Variants in DTNB observed in about 807,000 individuals in gnomAD.
DTNB encodes the protein DTN-B.
A neutral mutation model predicts 90.7 loss-of-function variants in DTNB; 63 were observed. The ratio of observed to expected loss-of-function variants is 0.69; its 90% CI spans 0.57 to 0.86. The LOEUF (loss-of-function observed/expected upper bound fraction) is 0.86. Among genes scored for constraint, DTNB ranks in the 40% least tolerant of loss-of-function variants. The probability of loss-of-function intolerance (pLI) is 0.00; values close to 1 mark genes in which losing one functional copy is unlikely to be tolerated. For missense variants in DTNB, 744 were observed against 807.1 expected (o/e 0.92, Z 0.95); for synonymous variants, 277 against 286.7 (o/e 0.97, Z 0.34).
chr2:25,660,965 C>T (rs2083065893), intron 1 of DTNB, among the ~76,000 whole-genome samples: 2 of 152,192 alleles, frequency 1.3e-5, no homozygotes, highest in Non-Finnish European at 2.9e-5. Flanking sequence ...ACTAGATCCA[C>T]CAGGCTTTTC....
At chr2:25,427,466 G>A (rs2052193587) in intron 15 of DTNB, 69 bp downstream of exon 15, 1 of 1,483,628 alleles carries the variant, frequency 6.7e-7, no homozygotes, top group Non-Finnish European at 9.3e-7. Flanking sequence ...TGACATCACA[G>A]GGAGGCAGCA....
At chr2:25,614,364 T>C (rs1238311447) in intron 4 of DTNB, among the ~76,000 whole-genome samples, 2 of 152,022 alleles carry the variant, frequency 1.3e-5, no homozygotes, top group African/African-American at 2.4e-5. Context: ...AAAAAACACA[T>C]TAGAAGTAAA....
chr2:25,477,125 AT>A (rs1178150980), intron 10 of DTNB, among the ~76,000 whole-genome samples: 1 of 152,264 alleles, frequency 6.6e-6, no homozygotes, highest in African/African-American at 2.4e-5. Context: ...TCAGATGATC[AT>A]TAGCATTTTT....
chr2:25,635,270 A>C (rs1004468713), intron 3 of DTNB, among the ~76,000 whole-genome samples: 3 of 151,860 alleles, frequency 2.0e-5, no homozygotes, highest in African/African-American at 7.3e-5. Context: ...GTCTCTACTA[A>C]AAATACAAAA....
chr2:25,464,875 A>AT (rs1185348624), intron 10 of DTNB, among the ~76,000 whole-genome samples: 1 of 152,234 alleles, frequency 6.6e-6, no homozygotes, highest in Non-Finnish European at 1.5e-5. Context: ...GTCATGAAAA[A>AT]TAAGGGAAGA....
chr2:25,534,509 C>T (rs1186065328), intron 8 of DTNB, among the ~76,000 whole-genome samples: 2 of 152,096 alleles, frequency 1.3e-5, no homozygotes, highest in African/African-American at 2.4e-5. Flanking sequence ...TCTCAGTGGT[C>T]GCTGTCTCTT....
intron 12 of DTNB, among the ~76,000 whole-genome samples, chr2:25,443,611 C>T (rs1558547162): frequency 6.6e-6 from 1 of 152,178 alleles, no homozygotes; most frequent in Non-Finnish European, 1.5e-5. Flanking sequence ...GGCAGCCTGC[C>T]CATCACCTAA....
chr2:25,609,789 T>C (rs923364677), intron 4 of DTNB, among the ~76,000 whole-genome samples: 9 of 151,592 alleles, frequency 5.9e-5, no homozygotes, highest in African/African-American at 2.2e-4. Context: ...ACACTGGTAA[T>C]TCTTAGGAGT....
intron 9 of DTNB, among the ~76,000 whole-genome samples, chr2:25,517,894 C>A (rs976237076): frequency 6.6e-6 from 1 of 152,164 alleles, no homozygotes; most frequent in African/African-American, 2.4e-5. Context: ...GAAATCCTGT[C>A]ACACGCTGCA....
intron 4 of DTNB, among the ~76,000 whole-genome samples, chr2:25,610,212 A>C (rs2068223577): frequency 6.6e-6 from 1 of 152,096 alleles, no homozygotes; most frequent in Non-Finnish European, 1.5e-5. Flanking sequence ...CTGGGCTCAA[A>C]CAATCCTCCC....
At chr2:25,590,369 G>A (rs139602910) in intron 6 of DTNB, among the ~76,000 whole-genome samples, 1 of 152,340 alleles carries the variant, frequency 6.6e-6, no homozygotes, top group East Asian at 1.9e-4. Context: ...GGGTAAGCAA[G>A]GCAAAGAGGA....
chr2:25,588,302 C>T (rs890651037), intron 6 of DTNB, among the ~76,000 whole-genome samples: 5 of 152,026 alleles, frequency 3.3e-5, no homozygotes, highest in African/African-American at 1.2e-4. Flanking sequence ...CTATTCTGTC[C>T]ACACCTTTCT....
chr2:25,395,153 C>T (rs890153824), intron 16 of DTNB, among the ~76,000 whole-genome samples: 1 of 152,136 alleles, frequency 6.6e-6, no homozygotes, highest in Non-Finnish European at 1.5e-5. Flanking sequence ...ATTGTACATT[C>T]TCACTCATAT....
intron 3 of DTNB, among the ~76,000 whole-genome samples, chr2:25,631,768 C>T (rs987633055): frequency 6.6e-6 from 1 of 152,070 alleles, no homozygotes; most frequent in Admixed American, 6.6e-5. Flanking sequence ...AATACACACT[C>T]AAAAAGTACA....
rs370762975 is a variant in DTNB, at chr2:25,590,802, A to AC, written c.603+5283dup. On this transcript the variant is annotated intron_variant, in intron 6 of 20. Transcript: ENST00000406818. Reference sequence around the variant, plus strand: ...TCCAGTCCATGGGACTAGCAGCCCGACCCCCAGGCTTCAGGCCCTCCCTGT... The same window carrying AC: ...TCCAGTCCATGGGACTAGCAGCCCGACCCCCCAGGCTTCAGGCCCTCCCTGT... Among the ~76,000 whole-genome samples the AC allele has an allele frequency of 3.0e-3, 460 of 152,032 alleles. 2 individuals carry two copies. The highest frequency in any genetic ancestry group is 0.01 in the African/African-American group (434 of 41,458).
chr2:25,580,849 C>T, intron 6 of DTNB, 23 bp from the exon 7 acceptor site: 2 of 1,590,934 alleles, frequency 1.3e-6, no homozygotes, highest in Non-Finnish European at 1.7e-6. Context: ...GAAAAACAAA[C>T]ATACTTTAAG....
At chr2:25,451,670 T>C (rs758971406) in intron 11 of DTNB, 35 bp from the exon 12 acceptor site, 2 of 1,522,726 alleles carry the variant, frequency 1.3e-6, no homozygotes, top group Middle Eastern at 1.7e-4. Context: ...AAGTGTCTAT[T>C]AAACATCCCT....
intron 10 of DTNB, chr2:25,481,656 A>G (rs1363584945): frequency 6.6e-6 from 1 of 152,196 alleles, no homozygotes; most frequent in East Asian, 1.9e-4. Context: ...ACTCTGATTT[A>G]TTAAGTCCCT....
At chr2:25,539,511 C>T (rs1429265737) in intron 8 of DTNB, among the ~76,000 whole-genome samples, 1 of 150,728 alleles carries the variant, frequency 6.6e-6, no homozygotes, top group Non-Finnish European at 1.5e-5. Context: ...TGTTTATGGG[C>T]CATTTGTGTT....
Sources: gnomAD v4.1 joint callset for allele counts (sites outside exome capture counted in the v4.1 genomes callset) on GRCh38, gnomAD v4.1.1 for gene constraint, MANE v1.5 for transcripts, NCBI Gene and HGNC (gene_info 2026-07-23, HGNC 2026-07-21) for gene names.